The following ERC2 variants were observed in gnomAD, a reference collection of about 807,000 sequenced individuals.
ERC2 encodes the protein ERC protein 2.
In ERC2, 42 loss-of-function variants were observed where a neutral mutation model predicts 114.8. That is an observed-to-expected ratio of 0.37 (90% CI 0.29 to 0.47). ERC2 has a LOEUF of 0.47. Among genes scored for constraint, ERC2 ranks in the 20% least tolerant of loss-of-function variants. The probability of loss-of-function intolerance (pLI) is 0.99; values close to 1 mark genes in which losing one functional copy is unlikely to be tolerated. For synonymous variants in ERC2, 454 were observed against 425.5 expected, an observed-to-expected ratio of 1.07 and a Z score of -0.82; for missense variants, 939 against 1,150.7, an observed-to-expected ratio of 0.82 and a Z score of 2.66.
At chr3:56,433,416 T>C (rs1300842869) in intron 2 of ERC2, among the ~76,000 whole-genome samples, 2 of 152,128 alleles carry the variant, frequency 1.3e-5, no homozygotes, top group African/African-American at 4.8e-5. Flanking sequence ...GAAAAGCAGG[T>C]GCTGAGAAGG....
At chr3:55,829,334 G>C (rs1239582143) in intron 14 of ERC2, among the ~76,000 whole-genome samples, 2 of 151,924 alleles carry the variant, frequency 1.3e-5, no homozygotes, top group Non-Finnish European at 2.9e-5. Context: ...TCTCAGAAGA[G>C]AAATAAAAAG....
rs747799979 is a variant in ERC2, at chr3:56,139,542, G to A, written c.1440C>T (p.Ala480=). The stretch of plus-strand genomic sequence containing the variant: ...GAAGGATGGCAGCCCTCTGTTCTTT[G>A]GCAGTAAGTGACTCTTTGAGCACTT... ...HIEVLKESLT[A]KEQRAAILQT... The change falls in exon 6 of 18, where the codon GCC becomes GCT. Residue 480 remains alanine (A), a synonymous_variant. Coordinates refer to ENST00000288221, the MANE Select transcript of ERC2 (RefSeq NM_015576.3). 6.2e-7 allele frequency: 1 copy of A among 1,613,908 alleles called. No homozygotes were observed. Among genetic ancestry groups the A allele is most frequent in the South Asian group, 1.1e-5 (1 of 91,040 alleles).
intron 2 of ERC2, among the ~76,000 whole-genome samples, chr3:56,325,152 A>C (rs2057300193): frequency 6.6e-6 from 1 of 151,920 alleles, no homozygotes; most frequent in Admixed American, 6.6e-5. Context: ...TTTGTTTAAA[A>C]CTATATACCC....
chr3:55,691,806 T>G (rs905778072), intron 16 of ERC2, among the ~76,000 whole-genome samples: 4 of 151,806 alleles, frequency 2.6e-5, no homozygotes, highest in Non-Finnish European at 4.4e-5. Flanking sequence ...TGAAGATATA[T>G]TTATGTGCAC....
At chr3:55,571,040 A>G (rs7621448) in intron 17 of ERC2, among the ~76,000 whole-genome samples, 52,446 of 149,292 alleles carry the variant, frequency 0.35, 9,305 homozygotes, top group South Asian at 0.53. Flanking sequence ...AAGCAGGAGA[A>G]TTGTTTGAAC....
At chr3:55,790,470 A>G (rs2069908613) in intron 14 of ERC2, among the ~76,000 whole-genome samples, 1 of 152,146 alleles carries the variant, frequency 6.6e-6, no homozygotes, top group Admixed American at 6.5e-5. Flanking sequence ...TTGTCAACAG[A>G]GTCCTACCGT....
chr3:55,793,463 T>C (rs566109161), intron 14 of ERC2, among the ~76,000 whole-genome samples: 1 of 152,288 alleles, frequency 6.6e-6, no homozygotes, highest in South Asian at 2.1e-4. Context: ...GAAAAGATAC[T>C]GGTTCTGCAA....
chr3:55,559,711 G>A (rs2055871483), intron 17 of ERC2, among the ~76,000 whole-genome samples: 1 of 152,196 alleles, frequency 6.6e-6, no homozygotes, highest in African/African-American at 2.4e-5. Context: ...TGTCCTCCTT[G>A]CCTTTGGCCT....
chr3:55,973,323 G>A (rs1186920401), intron 12 of ERC2, among the ~76,000 whole-genome samples: 1 of 152,196 alleles, frequency 6.6e-6, no homozygotes, highest in Non-Finnish European at 1.5e-5. Context: ...TTCTATCTTA[G>A]ATAAACAGGT....
At chr3:56,201,226 GC>G (rs2048386009) in intron 3 of ERC2, among the ~76,000 whole-genome samples, 1 of 152,272 alleles carries the variant, frequency 6.6e-6, no homozygotes, top group Non-Finnish European at 1.5e-5. Context: ...ATTAAATCCA[GC>G]AAACTATCTA....
intron 17 of ERC2, among the ~76,000 whole-genome samples, chr3:55,619,076 T>C (rs2059231603): frequency 6.6e-6 from 1 of 152,222 alleles, no homozygotes; most frequent in South Asian, 2.1e-4. Flanking sequence ...CTCTCTTTCC[T>C]GGAATCATGG....
chr3:56,277,710 A>G (rs1209498951), intron 3 of ERC2, among the ~76,000 whole-genome samples: 1 of 151,050 alleles, frequency 6.6e-6, no homozygotes, highest in Non-Finnish European at 1.5e-5. Context: ...CATACTTCCT[A>G]GACACTTGAA....
intron 4 of ERC2, among the ~76,000 whole-genome samples, chr3:56,150,120 A>C (rs1575596385): frequency 6.6e-6 from 1 of 152,212 alleles, no homozygotes; most frequent in Non-Finnish European, 1.5e-5. Context: ...TAAGGAGCTC[A>C]TATTAAATGT....
intron 7 of ERC2, among the ~76,000 whole-genome samples, chr3:56,043,713 T>C (rs1182648107): frequency 6.6e-6 from 1 of 152,182 alleles, no homozygotes; most frequent in Admixed American, 6.5e-5. Flanking sequence ...TCTAACTCTA[T>C]TCTAAACTTA....
chr3:56,269,969 G>C (rs1172971618), intron 3 of ERC2, among the ~76,000 whole-genome samples: 1 of 152,032 alleles, frequency 6.6e-6, no homozygotes, highest in African/African-American at 2.4e-5. Context: ...CTCCACATTG[G>C]AAGCCGTTCC....
intron 4 of ERC2, among the ~76,000 whole-genome samples, chr3:56,166,300 T>A (rs2082322391): frequency 6.6e-6 from 1 of 152,058 alleles, no homozygotes; most frequent in Non-Finnish European, 1.5e-5. Flanking sequence ...CTACCATCAG[T>A]GTTTACTCAG....
chr3:55,822,950 G>A (rs538234744), intron 14 of ERC2, among the ~76,000 whole-genome samples: 3 of 152,134 alleles, frequency 2.0e-5, no homozygotes, highest in Non-Finnish European at 2.9e-5. Context: ...GCCTAGACTC[G>A]TCATGGCAAA....
intron 14 of ERC2, among the ~76,000 whole-genome samples, chr3:55,799,437 T>TTATATATATATGCATATATATATATA (rs1371375917): frequency 2.0e-4 from 21 of 103,288 alleles, no homozygotes; most frequent in South Asian, 6.6e-4. Flanking sequence ...TATATATGCC[T>TTATATATATATGCATATATATATATA]TATATATATA....
intron 2 of ERC2, among the ~76,000 whole-genome samples, chr3:56,409,130 C>A (rs1354937140): frequency 1.3e-5 from 2 of 152,212 alleles, no homozygotes; most frequent in African/African-American, 4.8e-5. Flanking sequence ...AGAGGCGGCA[C>A]GTGACCTCAA....
Sources: gnomAD v4.1 joint callset for allele counts (sites outside exome capture counted in the v4.1 genomes callset) on GRCh38, gnomAD v4.1.1 for gene constraint, MANE v1.5 for transcripts, NCBI Gene and HGNC (gene_info 2026-07-23, HGNC 2026-07-21) for gene names.